Variants in EIF4EBP2 observed in about 807,000 individuals in gnomAD.
EIF4EBP2 encodes eukaryotic translation initiation factor 4E binding protein 2, also known as eukaryotic translation initiation factor 4E-binding protein 2.
In EIF4EBP2, 5 loss-of-function variants were observed where a neutral mutation model predicts 10.3. The ratio of observed to expected loss-of-function variants is 0.48; its 90% confidence interval spans 0.25 to 1.02. The LOEUF is 1.02. Ranked by LOEUF, EIF4EBP2 falls within the 50% of genes least tolerant of loss-of-function variation. EIF4EBP2 has a pLI of 0.15. For synonymous variants in EIF4EBP2, 67 were observed against 61.1 expected, an observed-to-expected ratio of 1.10 and a Z score of -0.45; for missense variants, 188 against 162.2, an observed-to-expected ratio of 1.16 and a Z score of -0.86.
At chr10:70,420,895 C>T (rs918877074) in intron 2 of EIF4EBP2, among the ~76,000 whole-genome samples, 8 of 151,924 alleles carry the variant, frequency 5.3e-5, no homozygotes, top group African/African-American at 7.3e-5. Context: ...CCCGGGTTCA[C>T]GCCATTCTCC....
chr10:70,428,302 C>G lies in EIF4EBP2; in HGVS notation c.*6555C>G, dbSNP rs953563638. 1.5e-4 allele frequency: 23 copies of G among 152,102 alleles called. No individual in the cohort carries two copies. Among genetic ancestry groups the G allele is most frequent in the African/African-American group, 5.6e-4 (23 of 41,408 alleles). The allele number at this position is 152,102 out of a possible 1,614,324, so 9.4% of individuals were successfully genotyped here. On this transcript the variant is annotated 3_prime_UTR_variant, in exon 3 of 3. Coordinates refer to ENST00000373218, the MANE Select transcript of EIF4EBP2 (RefSeq NM_004096.5). ...TATTTAAAAAAAAAAATAGCCCTGC[C>G]CTGTCTTAGTGCCACTAACGGCCCA...
intron 1 of EIF4EBP2, among the ~76,000 whole-genome samples, chr10:70,414,554 G>A (rs1322974031): frequency 1.3e-5 from 2 of 152,172 alleles, no homozygotes; most frequent in African/African-American, 4.8e-5. Context: ...AAGGTTGCAA[G>A]ATAAAAGAGC....
intron 1 of EIF4EBP2, among the ~76,000 whole-genome samples, chr10:70,411,394 T>TTTA (rs1017775015): frequency 8.5e-5 from 13 of 152,092 alleles, no homozygotes; most frequent in East Asian, 1.9e-4. Flanking sequence ...GCTTTTTTTT[T>TTTA]TTATTATTAT....
rs1353721783 is a variant in EIF4EBP2, at chr10:70,423,593, G to C, written c.*1846G>C. ...TTTTTTATTAAGAAATCAGATCCCA[G>C]GGTGAGAGTAACAGGCCATTTGGCC... On this transcript the variant is annotated 3_prime_UTR_variant, in exon 3 of 3. Coordinates refer to ENST00000373218, the MANE Select transcript of EIF4EBP2 (RefSeq NM_004096.5). 6.6e-6 allele frequency: 1 copy of C among 152,308 alleles called. No individual in the cohort carries two copies. Among genetic ancestry groups the C allele is most frequent in the Admixed American group, 6.5e-5 (1 of 15,270 alleles). The allele number at this position is 152,308 out of a possible 1,614,324, so 9.4% of individuals were successfully genotyped here. A position where few individuals can be genotyped will look rare whatever the true frequency, so the allele number is the denominator to read the frequency against.
At chr10:70,419,092 C>T (rs1845128332) in intron 1 of EIF4EBP2, among the ~76,000 whole-genome samples, 1 of 152,238 alleles carries the variant, frequency 6.6e-6, no homozygotes, top group Non-Finnish European at 1.5e-5. Flanking sequence ...GTTGGAATTA[C>T]AGGCATGAGC....
chr10:70,414,838 G>T (rs1344587757), intron 1 of EIF4EBP2, among the ~76,000 whole-genome samples: 1 of 151,886 alleles, frequency 6.6e-6, no homozygotes, highest in Non-Finnish European at 1.5e-5. Flanking sequence ...CTGCACTCCC[G>T]CCTGGGCAGC....
intron 2 of EIF4EBP2, 134 bp from the exon 3 acceptor site, chr10:70,421,582 G>C: frequency 1.3e-6 from 1 of 763,926 alleles, no homozygotes; most frequent in Non-Finnish European, 2.2e-6. Context: ...GCAAAGCAGA[G>C]TAATTGTTTT....
chr10:70,408,080 GCTCCTCACTTCCCA>G (rs1485425343), intron 1 of EIF4EBP2, among the ~76,000 whole-genome samples: 205 of 5,114 alleles, frequency 0.04, 78 homozygotes, highest in Middle Eastern at 0.25. Context: ...CGGGCAGAGG[GCTCCTCACTTCCCA>G]GTAGGGGCGG....
rs182397232 is a variant in EIF4EBP2 at position 70,413,286 on chromosome 10, C to T, written c.146-6628C>T. Among the ~76,000 whole-genome samples, 6 of 152,234 alleles carry T rather than the reference C, an allele frequency of 3.9e-5. No homozygotes were observed. The East Asian group carries it at 1.2e-3, about 29-fold the overall frequency. On this transcript the variant is annotated intron_variant, in intron 1 of 2. Transcript: ENST00000373218. ...TATAAAAGTACACCATTCACCTGTC[C>T]TCCTGCCTTTACTTTGCTGGTATGT... is the stretch of plus-strand genomic sequence containing the variant.
chr10:70,415,056 G>A lies in EIF4EBP2; in HGVS notation c.146-4858G>A, dbSNP rs192870067. Among the ~76,000 whole-genome samples, 4 of 151,994 alleles carry A rather than the reference G, an allele frequency of 2.6e-5. No individual in the cohort carries two copies. In the South Asian group the frequency reaches 6.2e-4, roughly 24 times the overall value. On this transcript the variant is annotated intron_variant, in intron 1 of 2. Transcript: ENST00000373218. ...GCCTGTAGTCCCAACTGCTAGGGAGGCTGAGGCAGGAGGACCGCTTGAGCC... is the reference window on the plus strand; with the variant it reads ...GCCTGTAGTCCCAACTGCTAGGGAGACTGAGGCAGGAGGACCGCTTGAGCC...
intron 1 of EIF4EBP2, among the ~76,000 whole-genome samples, chr10:70,413,813 T>C (rs1185396754): frequency 6.6e-6 from 1 of 152,136 alleles, no homozygotes; most frequent in Non-Finnish European, 1.5e-5. Context: ...GAATGGAAAA[T>C]TGTTTTTTAA....
rs913993802 is a variant in EIF4EBP2 at position 70,407,658 on chromosome 10, G to T, written c.145+3112G>T. Among the ~76,000 whole-genome samples, 97 of 151,838 alleles carry T rather than the reference G, an allele frequency of 6.4e-4. 2 individuals carry two copies. Among genetic ancestry groups the T allele is most frequent in the Admixed American group, 2.6e-4 (4 of 15,272 alleles). On this transcript the variant is annotated intron_variant, in intron 1 of 2. Coordinates refer to ENST00000373218, the MANE Select transcript of EIF4EBP2 (RefSeq NM_004096.5). ...ACCTCCCAGATGGGGTGGTGGCCGG[G>T]CAGAGGGGCTCCTCACTTCCCAGTA...
At chr10:70,414,633 C>T (rs1274427796) in intron 1 of EIF4EBP2, among the ~76,000 whole-genome samples, 1 of 152,100 alleles carries the variant, frequency 6.6e-6, no homozygotes, top group Non-Finnish European at 1.5e-5. Context: ...TTTGGGAGGC[C>T]AAGGCTTGCA....
In EIF4EBP2 at chr10:70,407,269, C is replaced by A. The variant is rs1236208253; in HGVS notation, c.145+2723C>A. ...AGGCAGAGGACCCTGTGGCCTTCCG[C>A]AGTGTTTGTGTCCATGGGTACTTGA... On this transcript the variant is annotated intron_variant, in intron 1 of 2. Coordinates refer to ENST00000373218, the MANE Select transcript of EIF4EBP2 (RefSeq NM_004096.5). 3.3e-5 allele frequency among the ~76,000 whole-genome samples: 5 copies of A among 152,218 alleles called. No individual in the cohort carries two copies. In the East Asian group the frequency reaches 7.7e-4, roughly 24 times the overall value.
rs564436405 is a variant in EIF4EBP2 at position 70,423,982 on chromosome 10, C to G, written c.*2235C>G. ...GAAGCATGCTCAGGACCTCTTTGTA[C>G]CCCGGGGAGCCTGATTCTTTGGGAA... On this transcript the variant is annotated 3_prime_UTR_variant, in exon 3 of 3. Transcript: ENST00000373218. 23 of 152,266 alleles carry G rather than the reference C, an allele frequency of 1.5e-4. No individual in the cohort carries two copies. In the East Asian group the frequency reaches 1.7e-3, roughly 11 times the overall value. 9.4% of individuals were successfully genotyped at this position (152,266 alleles called of 1,614,324 possible). A position where few individuals can be genotyped will look rare whatever the true frequency, so the allele number is the denominator to read the frequency against.
intron 1 of EIF4EBP2, among the ~76,000 whole-genome samples, chr10:70,407,296 A>G (rs1444451716): frequency 6.6e-6 from 1 of 152,084 alleles, no homozygotes; most frequent in Non-Finnish European, 1.5e-5. Flanking sequence ...GGTACTTGAG[A>G]TTAGGGAGTG....
chr10:70,409,284 A>C (rs1272658969), intron 1 of EIF4EBP2, among the ~76,000 whole-genome samples: 2 of 151,106 alleles, frequency 1.3e-5, no homozygotes, highest in African/African-American at 4.9e-5. Flanking sequence ...ATTCCAGGCC[A>C]AAAAAAAAGC....
At chr10:70,414,362 TTA>T (rs35005605) in intron 1 of EIF4EBP2, among the ~76,000 whole-genome samples, 34,720 of 152,080 alleles carry the variant, frequency 0.23, 4,246 homozygotes, top group Non-Finnish European at 0.27. Context: ...ATTCAAAAAC[TTA>T]TAAATACTAT....
In EIF4EBP2 at chr10:70,421,938, G is replaced by A. The variant is rs546769410; in HGVS notation, c.*191G>A. 1.7e-6 allele frequency: 1 copy of A among 585,480 alleles called. No homozygotes were observed. Among genetic ancestry groups the A allele is most frequent in the East Asian group, 2.8e-5 (1 of 35,752 alleles). 36.3% of individuals were successfully genotyped at this position (585,480 alleles called of 1,614,324 possible). Reference sequence around the variant, plus strand: ...CTTCATCTGACCATTTCTTCTCCCTGTCTCCTGTTCCCCTTCCCAGTTAAA... The same window carrying A: ...CTTCATCTGACCATTTCTTCTCCCTATCTCCTGTTCCCCTTCCCAGTTAAA... On this transcript the variant is annotated 3_prime_UTR_variant, in exon 3 of 3. Transcript: ENST00000373218.
Sources: allele counts gnomAD v4.1 joint callset (sites outside exome capture counted in the v4.1 genomes callset), GRCh38; gene constraint gnomAD v4.1.1; transcripts MANE v1.5; gene names NCBI Gene and HGNC (gene_info 2026-07-23, HGNC 2026-07-21).